GOLIM4: variants seen among roughly 807,000 people sequenced by gnomAD.
GOLIM4 encodes 130 kDa golgi-localized phosphoprotein.
In GOLIM4, 71 loss-of-function variants were observed where a neutral mutation model predicts 107.4. That is an observed-to-expected ratio of 0.66 (90% CI 0.55 to 0.81). The LOEUF is 0.81. Ranked by LOEUF, GOLIM4 falls within the 30% of genes least tolerant of loss-of-function variation. The pLI, the probability that GOLIM4 is intolerant of heterozygous loss-of-function variation, is 0.00. For synonymous variants in GOLIM4, 327 were observed against 294.8 expected, an observed-to-expected ratio of 1.11 and a Z score of -1.12; for missense variants, 830 against 826.1, an observed-to-expected ratio of 1.00 and a Z score of -0.06.
chr3:168,022,035 G>GAAAC (rs1452135301), intron 14 of GOLIM4, among the ~76,000 whole-genome samples: 2 of 152,130 alleles, frequency 1.3e-5, no homozygotes, highest in Non-Finnish European at 2.9e-5. Flanking sequence ...CAAGAAACAA[G>GAAAC]AAATGCTTGT....
At position 168,010,966 on chromosome 3, in the gene GOLIM4, T is replaced by C. The variant is rs1337437249; in HGVS notation, c.1861-143A>G. The C allele has an allele frequency of 4.5e-6, 3 of 660,866 alleles. No individual in the cohort carries two copies. In the Admixed American group the frequency reaches 7.9e-5, roughly 17 times the overall value. The allele number at this position is 660,866 out of a possible 1,614,324, so 40.9% of individuals were successfully genotyped here. On this transcript the variant is annotated intron_variant, in intron 14 of 15. Transcript: ENST00000470487. ...TTCACTCAAAATAGCAGAAGCAAAA[T>C]TAAAGTAAATATACAATTGAAAAAA... is the stretch of plus-strand genomic sequence containing the variant.
In GOLIM4 at chr3:168,048,333, A is replaced by T. The variant is rs755036178; in HGVS notation, c.220T>A (p.Ser74Thr). 47 of 1,540,666 alleles carry T rather than the reference A, an allele frequency of 3.1e-5. No individual in the cohort carries two copies. In the South Asian group the frequency reaches 5.1e-4, roughly 17 times the overall value. ...TGTTCAAGTCTTTCTTTTTGCAAGG[A>T]TTTCTCTAATCTTGATCTGTGTTCA... is the stretch of plus-strand genomic sequence containing the variant. Reference protein sequence around the residue: ...VYEHRSRLEKSLQKERLEHKK... With the variant: ...VYEHRSRLEKTLQKERLEHKK... Residue 74 changes from serine (S) to threonine (T), a missense_variant, in exon 2 of 16, where the codon TCC becomes ACC. Ser to Thr is a moderately conservative substitution (Grantham distance 58, BLOSUM62 1). Transcript: ENST00000470487.
chr3:168,055,329 G>C (rs1189516811), intron 1 of GOLIM4, among the ~76,000 whole-genome samples: 2 of 152,160 alleles, frequency 1.3e-5, no homozygotes, highest in Non-Finnish European at 2.9e-5. Context: ...GTCTGAGCTG[G>C]TCTCAAATGG....
In GOLIM4 at chr3:168,036,988, C is replaced by T. The variant is rs1328466828; in HGVS notation, c.691G>A (p.Val231Ile). The change falls in exon 8 of 16, where the codon GTT (valine) becomes ATT (isoleucine). Residue 231 changes from valine (V) to isoleucine (I), a missense_variant. Coordinates refer to ENST00000470487, the MANE Select transcript of GOLIM4 (RefSeq NM_014498.5). ...TCTTTCAGTTGTTTATATTCTGCAA[C>T]TTGAGTCTGCATATAAATTGCACAA... ...KSALAAAQTQ[V>I]AEYKQLKDTL... The T allele has an allele frequency of 6.5e-7, 1 of 1,534,470 alleles. No homozygotes were observed. Among genetic ancestry groups the T allele is most frequent in the East Asian group, 2.3e-5 (1 of 44,348 alleles).
At chr3:168,086,377 T>C (rs1721622082) in intron 1 of GOLIM4, among the ~76,000 whole-genome samples, 1 of 152,198 alleles carries the variant, frequency 6.6e-6, no homozygotes, top group Non-Finnish European at 1.5e-5. Context: ...ATAAGCAATG[T>C]CAAAGCTGTC....
intron 1 of GOLIM4, among the ~76,000 whole-genome samples, chr3:168,063,121 T>C (rs900281436): frequency 6.6e-5 from 10 of 151,202 alleles, no homozygotes; most frequent in Admixed American, 5.9e-4. Flanking sequence ...CACCCACCAC[T>C]GCCACCTCTA....
chr3:168,040,666 G>T, intron 7 of GOLIM4, 120 bp downstream of exon 7: 1 of 603,128 alleles, frequency 1.7e-6, no homozygotes, highest in Non-Finnish European at 3.0e-6. Context: ...TCAGGATTAG[G>T]ATAGCTCTGT....
chr3:168,064,301 T>A (rs1720429780), intron 1 of GOLIM4, among the ~76,000 whole-genome samples: 1 of 152,238 alleles, frequency 6.6e-6, no homozygotes, highest in Non-Finnish European at 1.5e-5. Context: ...AATTGTCATC[T>A]CGAGTCTGGT....
intron 8 of GOLIM4, among the ~76,000 whole-genome samples, chr3:168,034,678 A>T (rs1718534951): frequency 6.6e-6 from 1 of 152,208 alleles, no homozygotes; most frequent in Non-Finnish European, 1.5e-5. Flanking sequence ...CTGTGTCCCC[A>T]CCAAAATCTC....
At chr3:168,065,986 C>A (rs1430526591) in intron 1 of GOLIM4, among the ~76,000 whole-genome samples, 2 of 152,274 alleles carry the variant, frequency 1.3e-5, no homozygotes, top group South Asian at 4.1e-4. Context: ...GACAAGGATA[C>A]AGAATCAGAA....
intron 11 of GOLIM4, among the ~76,000 whole-genome samples, chr3:168,028,217 G>C (rs1490033373): frequency 6.6e-6 from 1 of 152,134 alleles, no homozygotes; most frequent in Non-Finnish European, 1.5e-5. Flanking sequence ...GGCTCCAAAA[G>C]AAGAAATTGA....
chr3:168,038,547 G>C (rs1055652075), intron 7 of GOLIM4, among the ~76,000 whole-genome samples: 6 of 152,106 alleles, frequency 3.9e-5, no homozygotes, highest in Non-Finnish European at 7.4e-5. Flanking sequence ...CATTGATTTT[G>C]GGCCAGCTAC....
chr3:168,084,383 G>A (rs1003002848), intron 1 of GOLIM4, among the ~76,000 whole-genome samples: 2 of 152,134 alleles, frequency 1.3e-5, no homozygotes, highest in African/African-American at 4.8e-5. Flanking sequence ...TTGCCCTGGG[G>A]GTAACCAGTT....
In GOLIM4 at chr3:168,084,601, T is replaced by C. The variant is rs372175894; in HGVS notation, c.187+10498A>G. 2.4e-4 allele frequency among the ~76,000 whole-genome samples: 36 copies of C among 152,298 alleles called. No homozygotes were observed. The East Asian group carries it at 6.2e-3, about 26-fold the overall frequency. ...AGTCACCCAGTTAAGCCCAGATTCC[T>C]TTCCCACAGAAGTTGTGAGATAATG... On this transcript the variant is annotated intron_variant, in intron 1 of 15. Coordinates refer to ENST00000470487, the MANE Select transcript of GOLIM4 (RefSeq NM_014498.5).
chr3:168,055,253 A>C lies in GOLIM4; in HGVS notation c.188-6888T>G, dbSNP rs567346288. Among the ~76,000 whole-genome samples the C allele has an allele frequency of 5.1e-4, 77 of 152,194 alleles. 1 individual carries two copies. In the Middle Eastern group the frequency reaches 0.024, roughly 47 times the overall value. On this transcript the variant is annotated intron_variant, in intron 1 of 15. Coordinates refer to ENST00000470487, the MANE Select transcript of GOLIM4 (RefSeq NM_014498.5). ...ACAGAAAGATGTGGGACAGTTTGGA[A>C]CTCCCTAGAGACTTGCTGAATGGCT...
intron 1 of GOLIM4, among the ~76,000 whole-genome samples, chr3:168,064,227 T>C (rs1158996416): frequency 6.6e-6 from 1 of 152,172 alleles, no homozygotes. Flanking sequence ...AGGTAGAGAT[T>C]TGTCACTCCC....
At chr3:168,079,547 T>G (rs1393905591) in intron 1 of GOLIM4, among the ~76,000 whole-genome samples, 1 of 152,224 alleles carries the variant, frequency 6.6e-6, no homozygotes, top group East Asian at 1.9e-4. Flanking sequence ...CTTTTATGTA[T>G]GTAAGTTACA....
intron 3 of GOLIM4, among the ~76,000 whole-genome samples, chr3:168,045,586 G>C (rs1264952178): frequency 6.6e-6 from 1 of 151,938 alleles, no homozygotes; most frequent in East Asian, 1.9e-4. Context: ...AATAGTCCCG[G>C]GCAGCCATAA....
chr3:168,040,897 A>C, intron 6 of GOLIM4, 28 bp from the exon 7 acceptor site: 1 of 1,423,438 alleles, frequency 7.0e-7, no homozygotes, highest in South Asian at 1.2e-5. Flanking sequence ...TTACATGTTG[A>C]GCTTTAACAT....
Sources: allele counts gnomAD v4.1 joint callset (sites outside exome capture counted in the v4.1 genomes callset), GRCh38; gene constraint gnomAD v4.1.1; transcripts MANE v1.5; gene names NCBI Gene and HGNC (gene_info 2026-07-23, HGNC 2026-07-21).